The following PYGO1 variants were observed in gnomAD, a reference collection of about 807,000 sequenced individuals.
PYGO1 encodes the protein pygopus homolog 1.
A neutral mutation model predicts 29.5 loss-of-function variants in PYGO1; 6 were observed. The ratio of observed to expected loss-of-function variants is 0.20; its 90% CI spans 0.11 to 0.40. The LOEUF (loss-of-function observed/expected upper bound fraction) is 0.40. Among genes scored for constraint, PYGO1 ranks in the 10% least tolerant of loss-of-function variants. PYGO1 has a pLI of 1.00. For synonymous variants in PYGO1, 186 were observed against 180.5 expected (o/e 1.03, Z -0.24); for missense variants, 515 against 514.9 (o/e 1.00, Z 0.00).
intron 2 of PYGO1, among the ~76,000 whole-genome samples, chr15:55,547,735 C>T (rs2058858770): frequency 6.6e-6 from 1 of 152,174 alleles, no homozygotes; most frequent in Non-Finnish European, 1.5e-5. Context: ...AATCTGTACA[C>T]ACATACTTAC....
rs2059055622 is a variant in PYGO1, at chr15:55,587,865, TCTC to T, written c.16_18del (p.Glu6del). ...ACTCTCTTCAGCGAAATGGGATCCT[TCTC>T]CTGTTCTGCTGACATTACAGACCGC... On this transcript the variant is annotated inframe_deletion, in exon 1 of 3. Transcript: ENST00000563719. 2 of 1,494,262 alleles carry T rather than the reference TCTC, an allele frequency of 1.3e-6. No homozygotes were observed. The highest frequency in any genetic ancestry group is 1.8e-6 in the Non-Finnish European group (2 of 1,124,798). 92.6% of individuals were successfully genotyped at this position (1,494,262 alleles called of 1,614,324 possible).
At chr15:55,576,924 C>T (rs1455105175) in intron 1 of PYGO1, among the ~76,000 whole-genome samples, 5 of 151,764 alleles carry the variant, frequency 3.3e-5, no homozygotes, top group Non-Finnish European at 7.4e-5. Context: ...AATCACTAAG[C>T]CAAGGGAAAG....
In PYGO1 at chr15:55,540,286, T is replaced by A. The variant is rs976917385; in HGVS notation, c.*5737A>T. 3.3e-5 allele frequency: 5 copies of A among 152,040 alleles called. No individual in the cohort carries two copies. Among genetic ancestry groups the A allele is most frequent in the Non-Finnish European group, 7.4e-5 (5 of 67,920 alleles). The allele number at this position is 152,040 out of a possible 1,614,324, so 9.4% of individuals were successfully genotyped here. ...TTACGGTATCTTAATCATGTCTAAATAAATGAAGATAAATATTACAGTACT... is the reference window on the plus strand; with the variant it reads ...TTACGGTATCTTAATCATGTCTAAAAAAATGAAGATAAATATTACAGTACT... On this transcript the variant is annotated 3_prime_UTR_variant, in exon 3 of 3. Coordinates refer to ENST00000563719, the MANE Select transcript of PYGO1 (RefSeq NM_001367806.1).
chr15:55,581,042 C>G (rs543252421), intron 1 of PYGO1, among the ~76,000 whole-genome samples: 3 of 152,050 alleles, frequency 2.0e-5, no homozygotes, highest in Non-Finnish European at 4.4e-5. Flanking sequence ...GATCTTATAA[C>G]CTATAGGAAA....
chr15:55,579,604 T>C (rs988578286), intron 1 of PYGO1, among the ~76,000 whole-genome samples: 1 of 152,068 alleles, frequency 6.6e-6, no homozygotes, highest in African/African-American at 2.4e-5. Context: ...CAACCTTGAA[T>C]TCCTGGGTTC....
In PYGO1 at chr15:55,588,030, G is replaced by A. The variant is rs1282581926; in HGVS notation, c.-147C>T. On this transcript the variant is annotated 5_prime_UTR_variant, in exon 1 of 3. Coordinates refer to ENST00000563719, the MANE Select transcript of PYGO1 (RefSeq NM_001367806.1). ...CACGGCCGAGGGCGGTGGGGACGCG[G>A]GCCGACTTTGCAAAGTTTGGGAGGA... The A allele has an allele frequency of 4.8e-6, 6 of 1,247,590 alleles. No homozygotes were observed. In the African/African-American group the frequency reaches 6.3e-5, roughly 13 times the overall value. 77.3% of individuals were successfully genotyped at this position (1,247,590 alleles called of 1,614,324 possible). A position where few individuals can be genotyped will look rare whatever the true frequency, so the allele number is the denominator to read the frequency against.
In PYGO1 at chr15:55,546,744, G is replaced by C. The variant is rs1483049712; in HGVS notation, c.539C>G (p.Pro180Arg). The change falls in exon 3 of 3, where the codon CCT becomes CGT. Residue 180 changes from proline (P) to arginine (R), a missense_variant. Transcript: ENST00000563719. ...NMPNQHFRQNPAENFSQIPPQ... is the reference protein window; with the variant it reads ...NMPNQHFRQNRAENFSQIPPQ... Reference sequence around the variant, plus strand: ...AGGAATTTGACTGAAATTTTCAGCAGGATTTTGTCTAAAATGTTGATTAGG... The same window carrying C: ...AGGAATTTGACTGAAATTTTCAGCACGATTTTGTCTAAAATGTTGATTAGG... 4 of 1,613,946 alleles carry C rather than the reference G, an allele frequency of 2.5e-6. No homozygotes were observed. Among genetic ancestry groups the C allele is most frequent in the Non-Finnish European group, 3.4e-6 (4 of 1,179,974 alleles).
Position 55,545,221 on chromosome 15 carries a change from T to G in PYGO1, c.*802A>C, listed in dbSNP as rs1176298096. 6.6e-6 allele frequency: 1 copy of G among 152,190 alleles called. No individual in the cohort carries two copies. The highest frequency in any genetic ancestry group is 1.5e-5 in the Non-Finnish European group (1 of 68,026). 9.4% of individuals were successfully genotyped at this position (152,190 alleles called of 1,614,324 possible). ...CAATTCTTCTGTGGATACTATAGTA[T>G]TTCTCTGGAAAACAATAAACAATAA... On this transcript the variant is annotated 3_prime_UTR_variant, in exon 3 of 3. Transcript: ENST00000563719.
rs560970901 is a variant in PYGO1 at position 55,565,709 on chromosome 15, G to A, written c.50-16714C>T. 3.4e-4 allele frequency among the ~76,000 whole-genome samples: 51 copies of A among 151,864 alleles called. 2 individuals carry two copies. Among genetic ancestry groups the A allele is most frequent in the African/African-American group, 8.5e-4 (35 of 41,392 alleles). ...CAGCCTGGTGACAGAGTGAGACTCC[G>A]TCTCCCCCAAAAAAAAACAAAAACA... On this transcript the variant is annotated intron_variant, in intron 1 of 2. Transcript: ENST00000563719.
intron 1 of PYGO1, among the ~76,000 whole-genome samples, chr15:55,575,362 C>G (rs546704710): frequency 1.2e-4 from 18 of 152,280 alleles, no homozygotes; most frequent in African/African-American, 4.3e-4. Context: ...GTACAATTCT[C>G]TCCCCTAGGC....
intron 1 of PYGO1, among the ~76,000 whole-genome samples, chr15:55,567,981 G>A (rs890259192): frequency 2.0e-5 from 3 of 152,056 alleles, no homozygotes; most frequent in African/African-American, 7.2e-5. Flanking sequence ...TTTTGATACT[G>A]CTGCCTTATA....
intron 1 of PYGO1, among the ~76,000 whole-genome samples, chr15:55,551,373 T>C (rs768575906): frequency 6.6e-6 from 1 of 152,194 alleles, no homozygotes; most frequent in African/African-American, 2.4e-5. Context: ...TAAAACAATG[T>C]CCACTTAAAT....
At chr15:55,577,453 C>T (rs1027163210) in intron 1 of PYGO1, among the ~76,000 whole-genome samples, 3 of 152,088 alleles carry the variant, frequency 2.0e-5, no homozygotes, top group African/African-American at 7.2e-5. Flanking sequence ...AATAAACTTT[C>T]TAAATTGATT....
Position 55,542,494 on chromosome 15 carries a change from ACT to A in PYGO1, c.*3527_*3528del, listed in dbSNP as rs2058831926. 6.6e-6 allele frequency: 1 copy of A among 152,154 alleles called. No homozygotes were observed. Among genetic ancestry groups the A allele is most frequent in the African/African-American group, 2.4e-5 (1 of 41,438 alleles). The allele number at this position is 152,154 out of a possible 1,614,324, so 9.4% of individuals were successfully genotyped here. The stretch of plus-strand genomic sequence containing the variant: ...ACTGATCACAAATCTAATTCTAAGC[ACT>A]CTGTCTGAAGAACAATTTATCTTTC... On this transcript the variant is annotated 3_prime_UTR_variant, in exon 3 of 3. Transcript: ENST00000563719.
intron 1 of PYGO1, among the ~76,000 whole-genome samples, chr15:55,569,594 C>G (rs1351988698): frequency 6.6e-6 from 1 of 152,170 alleles, no homozygotes; most frequent in Admixed American, 6.5e-5. Flanking sequence ...AACTTCCATG[C>G]AATTGTGTGA....
In PYGO1 at chr15:55,562,175, A is replaced by T. The variant is rs115378023; in HGVS notation, c.50-13180T>A. ...ACATCAGTCAGAATGGCGATGATAA[A>T]AGTCAAGAAACAACAGATGCTGGCA... is the stretch of plus-strand genomic sequence containing the variant. On this transcript the variant is annotated intron_variant, in intron 1 of 2. Coordinates refer to ENST00000563719, the MANE Select transcript of PYGO1 (RefSeq NM_001367806.1). Among the ~76,000 whole-genome samples, 1,306 of 152,332 alleles carry T rather than the reference A, an allele frequency of 8.6e-3. 14 individuals are homozygous for T. Among genetic ancestry groups the T allele is most frequent in the African/African-American group, 0.029 (1,203 of 41,572 alleles).
chr15:55,565,368 C>G (rs1410928626), intron 1 of PYGO1, among the ~76,000 whole-genome samples: 2 of 151,920 alleles, frequency 1.3e-5, no homozygotes, highest in Non-Finnish European at 2.9e-5. Flanking sequence ...TTTATCTCAC[C>G]ATGTATAAAC....
intron 1 of PYGO1, among the ~76,000 whole-genome samples, chr15:55,585,550 T>C (rs1442361823): frequency 6.6e-6 from 1 of 152,188 alleles, no homozygotes; most frequent in Non-Finnish European, 1.5e-5. Flanking sequence ...CCCCATAACA[T>C]AAAAATACTG....
Position 55,574,191 on chromosome 15 carries a change from T to C in PYGO1, c.49+13644A>G, listed in dbSNP as rs185027159. ...ATTTTTTACTGTGATGTGCAATTTA[T>C]TGGAGAAATGAACTGCTTTCATAGA... On this transcript the variant is annotated intron_variant, in intron 1 of 2. Coordinates refer to ENST00000563719, the MANE Select transcript of PYGO1 (RefSeq NM_001367806.1). Among the ~76,000 whole-genome samples the C allele has an allele frequency of 1.7e-3, 266 of 152,328 alleles. 1 individual carries two copies. Among genetic ancestry groups the C allele is most frequent in the Non-Finnish European group, 3.2e-3 (217 of 68,022 alleles).
Sources: gnomAD v4.1 joint callset for allele counts (sites outside exome capture counted in the v4.1 genomes callset) on GRCh38, gnomAD v4.1.1 for gene constraint, MANE v1.5 for transcripts, NCBI Gene and HGNC (gene_info 2026-07-23, HGNC 2026-07-21) for gene names.